EWSR1: variants seen among roughly 807,000 people sequenced by gnomAD.
The protein encoded by EWSR1 is RNA-binding protein EWS.
EWSR1 carries 14 observed loss-of-function variants against 92.1 expected under a neutral mutation model. That is an observed-to-expected ratio of 0.15 (90% confidence interval 0.10 to 0.24). EWSR1 has a LOEUF of 0.24. EWSR1 is among the 10% of genes least tolerant of loss of function. The pLI is 1.00. For missense variants in EWSR1, 637 were observed against 870.9 expected (o/e 0.73, Z 3.38); for synonymous variants, 303 against 292.9 (o/e 1.03, Z -0.35).
chr22:29,273,665 C>G (rs1344648605), intron 3 of EWSR1, 76 bp from the exon 4 acceptor site: 1 of 1,522,290 alleles, frequency 6.6e-7, no homozygotes, highest in Non-Finnish European at 8.9e-7. Context: ...TTTTGGTTCT[C>G]CAATTTAGTC....
At chr22:29,279,655 T>A (rs1293518533) in intron 5 of EWSR1, among the ~76,000 whole-genome samples, 1 of 152,246 alleles carries the variant, frequency 6.6e-6, no homozygotes, top group Non-Finnish European at 1.5e-5. Flanking sequence ...ACTTCTAACC[T>A]AGATATATCT....
intron 8 of EWSR1, chr22:29,290,958 G>C (rs1206013419): frequency 4.2e-6 from 1 of 238,086 alleles, no homozygotes; most frequent in Admixed American, 5.5e-5. Flanking sequence ...CCAGTCCGTT[G>C]AGCCTTGGTA....
intron 1 of EWSR1, among the ~76,000 whole-genome samples, chr22:29,271,618 T>G (rs529413831): frequency 6.6e-6 from 1 of 152,254 alleles, no homozygotes; most frequent in Middle Eastern, 3.2e-3. Flanking sequence ...AGCTTTTAAG[T>G]TGCTGCACAA....
At chr22:29,300,000 GGGCTTCCTC>G in intron 16 of EWSR1, 113 bp from the exon 17 acceptor site, 9 of 951,112 alleles carry the variant, frequency 9.5e-6, no homozygotes, top group Middle Eastern at 7.2e-4. Flanking sequence ...GGCTCTGGAA[GGGCTTCCTC>G]ACCCCTTCCC....
chr22:29,272,410 A>G lies in EWSR1; in HGVS notation c.81A>G (p.Gln27=), dbSNP rs1399321471. Residue 27 remains glutamine (Q), a synonymous_variant, in exon 3 of 17, where the codon CAA becomes CAG. Transcript: ENST00000397938. ...GYSAYTAQPT[Q]GYAQTTQAYG... is the part of the protein sequence containing the mutation. ...GTGCTTACACCGCCCAGCCCACTCAAGGATATGCACAGACCACCCAGGTAA... is the reference window on the plus strand; with the variant it reads ...GTGCTTACACCGCCCAGCCCACTCAGGGATATGCACAGACCACCCAGGTAA... The G allele has an allele frequency of 6.2e-7, 1 of 1,613,098 alleles. No homozygotes were observed. Among genetic ancestry groups the G allele is most frequent in the Admixed American group, 1.7e-5 (1 of 60,024 alleles).
intron 5 of EWSR1, among the ~76,000 whole-genome samples, chr22:29,282,164 TTC>T (rs2059660099): frequency 6.6e-6 from 1 of 152,204 alleles, no homozygotes; most frequent in African/African-American, 2.4e-5. Flanking sequence ...ATATGATTGA[TTC>T]TCCCCCTTCC....
chr22:29,299,185 TCTTC>T (rs1197707240), intron 14 of EWSR1, 45 bp from the exon 15 acceptor site: 6 of 1,613,918 alleles, frequency 3.7e-6, no homozygotes, highest in South Asian at 1.1e-5. Flanking sequence ...TCCTTGTTTA[TCTTC>T]CTTAGTTCAA....
At chr22:29,269,480 G>A (rs936137014) in intron 1 of EWSR1, 2 of 152,232 alleles carry the variant, frequency 1.3e-5, no homozygotes, top group African/African-American at 2.4e-5. Flanking sequence ...GCGAAAATTG[G>A]CAGGGTGGAG....
In EWSR1 at chr22:29,291,324, C is replaced by T. The variant is rs1348041962; in HGVS notation, c.975-238C>T. ...TTGCCAAGTATTGCACTATTAATAC[C>T]AGCCCCCGAAATGAAAGGAACCAAC... On this transcript the variant is annotated intron_variant, in intron 8 of 16. Coordinates refer to ENST00000397938, the MANE Select transcript of EWSR1 (RefSeq NM_005243.4). 7 of 436,282 alleles carry T rather than the reference C, an allele frequency of 1.6e-5. No individual in the cohort carries two copies. In the East Asian group the frequency reaches 2.4e-4, roughly 15 times the overall value. The allele number at this position is 436,282 out of a possible 1,614,324, so 27.0% of individuals were successfully genotyped here.
intron 4 of EWSR1, chr22:29,275,486 A>G (rs1488093747): frequency 9.2e-6 from 2 of 216,810 alleles, no homozygotes; most frequent in Admixed American, 5.8e-5. Context: ...ATGTTTGTAT[A>G]AAATTCACAG....
At chr22:29,298,089 T>A (rs1211279608) in intron 13 of EWSR1, 140 bp downstream of exon 13, 14 of 1,024,192 alleles carry the variant, frequency 1.4e-5, no homozygotes, top group African/African-American at 3.2e-5. Flanking sequence ...ACAATGAATG[T>A]TTGTTGGGAA....
At chr22:29,285,066 G>A (rs867318296) in intron 6 of EWSR1, among the ~76,000 whole-genome samples, 2 of 149,400 alleles carry the variant, frequency 1.3e-5, no homozygotes, top group Admixed American at 1.3e-4. Context: ...TGATCCACCC[G>A]TCTCTGCCTC....
intron 7 of EWSR1, 60 bp downstream of exon 7, chr22:29,287,194 G>C: frequency 6.6e-7 from 1 of 1,522,414 alleles, no homozygotes; most frequent in Non-Finnish European, 9.0e-7. Context: ...TTTTTGTGGG[G>C]TTGATTTTTT....
chr22:29,271,044 T>G (rs2058640633), intron 1 of EWSR1, among the ~76,000 whole-genome samples: 1 of 152,182 alleles, frequency 6.6e-6, no homozygotes, highest in Admixed American at 6.5e-5. Context: ...TCAGCAAAGC[T>G]CTCTCAGGCC....
At chr22:29,290,137 A>G (rs2060339755) in intron 8 of EWSR1, 1 of 304,936 alleles carries the variant, frequency 3.3e-6, no homozygotes, top group South Asian at 1.4e-4. Context: ...TCTGGATGAG[A>G]AGTCTCTCTT....
intron 14 of EWSR1, 52 bp downstream of exon 14, chr22:29,298,947 C>T: frequency 6.7e-7 from 1 of 1,498,214 alleles, no homozygotes; most frequent in Non-Finnish European, 8.9e-7. Context: ...CCACCCTTCC[C>T]TCACCCCATC....
At chr22:29,282,983 C>CA (rs1468719788) in intron 6 of EWSR1, among the ~76,000 whole-genome samples, 2 of 152,110 alleles carry the variant, frequency 1.3e-5, no homozygotes, top group Non-Finnish European at 2.9e-5. Flanking sequence ...AGGATGGTCT[C>CA]AATCTCCTGA....
At position 29,288,762 on chromosome 22, in the gene EWSR1, G is replaced by A. The variant is rs889466381; in HGVS notation, c.950G>A (p.Arg317Gln). Reference sequence around the variant, plus strand: ...CGTGGAGGCATGAGCAGAGGTGGGCGGGGAGGAGGACGCGGTGGAATGGGG... The same window carrying A: ...CGTGGAGGCATGAGCAGAGGTGGGCAGGGAGGAGGACGCGGTGGAATGGGG... Reference protein sequence around the residue: ...FDRGGMSRGGRGGGRGGMGSA... With the variant: ...FDRGGMSRGGQGGGRGGMGSA... Residue 317 changes from arginine (R) to glutamine (Q), a missense_variant, in exon 8 of 17, where the codon CGG (arginine) becomes CAG (glutamine). This residue lies in a region of EWSR1 where 8 missense variants were observed against 36.1 expected (regional missense o/e 0.22). Coordinates refer to ENST00000397938, the MANE Select transcript of EWSR1 (RefSeq NM_005243.4). The A allele has an allele frequency of 1.9e-6, 3 of 1,612,884 alleles. No homozygotes were observed. Among genetic ancestry groups the A allele is most frequent in the South Asian group, 1.1e-5 (1 of 90,904 alleles).
intron 6 of EWSR1, among the ~76,000 whole-genome samples, chr22:29,283,781 G>A (rs916405652): frequency 1.3e-5 from 2 of 150,580 alleles, no homozygotes; most frequent in Middle Eastern, 3.4e-3. Flanking sequence ...TGATCCACCC[G>A]CCTCCACCTC....
Sources: gnomAD v4.1 joint callset for allele counts (sites outside exome capture counted in the v4.1 genomes callset) on GRCh38, gnomAD v4.1.1 for gene constraint, gnomAD v4.1.1 regional missense constraint, MANE v1.5 for transcripts, NCBI Gene and HGNC (gene_info 2026-07-23, HGNC 2026-07-21) for gene names.